TMEM232: variants seen among roughly 807,000 people sequenced by gnomAD.
TMEM232 encodes transmembrane protein 232.
Under a neutral mutation model 78.8 loss-of-function variants are expected in TMEM232, and 80 were observed. That is an observed-to-expected ratio of 1.01 (90% CI 0.85 to 1.22). The LOEUF is 1.22. Among genes scored for constraint, TMEM232 ranks in the 50% most tolerant of loss-of-function variants. The pLI is 0.00. For missense variants in TMEM232, 881 were observed against 742.2 expected, an observed-to-expected ratio of 1.19 and a Z score of -2.17; for synonymous variants, 297 against 254.3, an observed-to-expected ratio of 1.17 and a Z score of -1.60.
At chr5:110,455,147 T>C (rs1310499114) in intron 12 of TMEM232, among the ~76,000 whole-genome samples, 2 of 152,106 alleles carry the variant, frequency 1.3e-5, no homozygotes, top group Non-Finnish European at 2.9e-5. Context: ...TTAAAGGAAC[T>C]CAATTCATAG....
intron 12 of TMEM232, among the ~76,000 whole-genome samples, chr5:110,511,444 TA>T (rs888646524): frequency 1.4e-4 from 20 of 146,010 alleles, no homozygotes; most frequent in East Asian, 6.0e-4. Flanking sequence ...AAGTATAATT[TA>T]AAAAAAAAAG....
chr5:110,447,274 G>A (rs145592785), intron 12 of TMEM232, among the ~76,000 whole-genome samples: 1 of 152,126 alleles, frequency 6.6e-6, no homozygotes, highest in East Asian at 1.9e-4. Context: ...CTACTGAGGG[G>A]AAGAGGGAAT....
chr5:110,618,329 T>A, intron 8 of TMEM232, 100 bp downstream of exon 8: 1 of 1,416,786 alleles, frequency 7.1e-7, no homozygotes, highest in African/African-American at 1.5e-5. Flanking sequence ...TGTTTCATAG[T>A]CAACTGAGGT....
intron 12 of TMEM232, among the ~76,000 whole-genome samples, chr5:110,458,239 G>C (rs1421037784): frequency 6.6e-6 from 1 of 150,722 alleles, no homozygotes; most frequent in Non-Finnish European, 1.5e-5. Flanking sequence ...TTCTTCCTTT[G>C]CGCAATTTTC....
chr5:110,567,137 C>T (rs1412749210), intron 11 of TMEM232, among the ~76,000 whole-genome samples: 5 of 151,770 alleles, frequency 3.3e-5, no homozygotes, highest in East Asian at 3.9e-4. Context: ...TTCCATAACA[C>T]GTGGGGTTGA....
At chr5:110,523,967 G>GGC (rs1554098556) in intron 12 of TMEM232, among the ~76,000 whole-genome samples, 20 of 27,470 alleles carry the variant, frequency 7.3e-4, no homozygotes, top group African/African-American at 2.8e-3. Context: ...AAAAAAAAAA[G>GGC]GGGGGGGGGC....
chr5:110,423,681 A>T (rs969335088), intron 13 of TMEM232, among the ~76,000 whole-genome samples: 7 of 151,936 alleles, frequency 4.6e-5, no homozygotes, highest in African/African-American at 1.7e-4. Context: ...GGAAAAGATG[A>T]TGGATGGTTG....
At position 110,544,441 on chromosome 5, in the gene TMEM232, C is replaced by CAAA. The variant is rs575755362; in HGVS notation, c.1456-15609_1456-15607dup. Among the ~76,000 whole-genome samples, 150 of 75,704 alleles carry CAAA rather than the reference C, an allele frequency of 2.0e-3. 2 individuals carry two copies. The highest frequency in any genetic ancestry group is 5.2e-3 in the African/African-American group (143 of 27,766). The allele number at this position is 75,704 out of a possible 152,430, so 49.7% of individuals were successfully genotyped here. A position where few individuals can be genotyped will look rare whatever the true frequency, so the allele number is the denominator to read the frequency against. On this transcript the variant is annotated intron_variant, in intron 11 of 13. Transcript: ENST00000455884. ...GGATGTAGTAGCAATACACACATATCAAAAAAAAAAAAAAAAAAGCCTTTA... is the reference window on the plus strand; with the variant it reads ...GGATGTAGTAGCAATACACACATATCAAAAAAAAAAAAAAAAAAAAAGCCTTTA...
At chr5:110,730,148 A>C (rs1239178872), upstream of TMEM232, among the ~76,000 whole-genome samples, 1 of 151,668 alleles carries the variant, frequency 6.6e-6, no homozygotes, top group African/African-American at 2.4e-5. Flanking sequence ...TCAAACCTTA[A>C]GCTTCAGTCC....
intron 12 of TMEM232, among the ~76,000 whole-genome samples, chr5:110,498,786 C>G (rs1033960011): frequency 1.3e-5 from 2 of 152,110 alleles, no homozygotes; most frequent in African/African-American, 4.8e-5. Context: ...TCCCAGAAAG[C>G]AGGACTTTCT....
chr5:110,525,867 TA>T, intron 12 of TMEM232, among the ~76,000 whole-genome samples: 1 of 151,070 alleles, frequency 6.6e-6, no homozygotes, highest in Admixed American at 6.6e-5. Context: ...AGGACTAGAA[TA>T]AAAAATTCAG....
At chr5:110,603,247 A>G (rs543456418) in intron 10 of TMEM232, among the ~76,000 whole-genome samples, 6 of 152,142 alleles carry the variant, frequency 3.9e-5, no homozygotes, top group African/African-American at 1.4e-4. Context: ...ATGTATACCT[A>G]TGTAACAAGC....
At chr5:110,491,326 T>C (rs575903110) in intron 12 of TMEM232, among the ~76,000 whole-genome samples, 2 of 152,130 alleles carry the variant, frequency 1.3e-5, no homozygotes, top group African/African-American at 4.8e-5. Flanking sequence ...AATAACAACT[T>C]TTAACATGCA....
intron 1 of TMEM232, among the ~76,000 whole-genome samples, chr5:110,699,067 A>AAACAT (rs1442812188): frequency 1.3e-5 from 2 of 149,734 alleles, no homozygotes; most frequent in Admixed American, 6.6e-5. Context: ...AAACAAAACA[A>AAACAT]AACAAAACAA....
chr5:110,522,724 T>G (rs1055393224), intron 12 of TMEM232, among the ~76,000 whole-genome samples: 1 of 152,174 alleles, frequency 6.6e-6, no homozygotes, highest in African/African-American at 2.4e-5. Context: ...TAATTGATTT[T>G]TGTATGTTGA....
chr5:110,649,250 A>T lies in TMEM232; in HGVS notation c.126-6879T>A, dbSNP rs186526342. Among the ~76,000 whole-genome samples, 890 of 152,240 alleles carry T rather than the reference A, an allele frequency of 5.8e-3. 9 individuals carry two copies. Among genetic ancestry groups the T allele is most frequent in the Non-Finnish European group, 0.011 (717 of 67,996 alleles). On this transcript the variant is annotated intron_variant, in intron 2 of 13. Transcript: ENST00000455884. ...GAGAGTAAAAACAGTTAAGGAAAGAAGGATTTTTTTAATTGGTTTATATGT... is the reference window on the plus strand; with the variant it reads ...GAGAGTAAAAACAGTTAAGGAAAGATGGATTTTTTTAATTGGTTTATATGT...
intron 12 of TMEM232, among the ~76,000 whole-genome samples, chr5:110,508,292 T>C (rs189248401): frequency 2.6e-5 from 4 of 152,180 alleles, no homozygotes; most frequent in Admixed American, 2.6e-4. Flanking sequence ...CTGTTCAGAA[T>C]GATAAATGGA....
intron 8 of TMEM232, 89 bp downstream of exon 8, chr5:110,618,340 G>A: frequency 4.1e-6 from 6 of 1,474,758 alleles, no homozygotes; most frequent in Non-Finnish European, 5.5e-6. Context: ...CAACTGAGGT[G>A]TGATTAACAT....
intron 3 of TMEM232, among the ~76,000 whole-genome samples, chr5:110,395,571 A>G (rs1755354126): frequency 6.6e-6 from 1 of 152,176 alleles, no homozygotes; most frequent in Admixed American, 6.5e-5. Flanking sequence ...TGCTGGGTCC[A>G]AGAAAACTTA....
Sources: allele counts gnomAD v4.1 joint callset (sites outside exome capture counted in the v4.1 genomes callset), GRCh38; gene constraint gnomAD v4.1.1; transcripts MANE v1.5; gene names NCBI Gene and HGNC (gene_info 2026-07-23, HGNC 2026-07-21).